Variants in BMERB1 observed in about 807,000 individuals in gnomAD.
BMERB1 encodes the protein bMERB domain containing 1.
Under a neutral mutation model 23.6 loss-of-function variants are expected in BMERB1, and 12 were observed. The observed-to-expected ratio is 0.51, with a 90% CI of 0.33 to 0.82. The LOEUF is 0.82. Among genes scored for constraint, BMERB1 ranks in the 40% least tolerant of loss-of-function variants. The pLI, the probability that BMERB1 is intolerant of heterozygous loss-of-function variation, is 0.03. For missense variants in BMERB1, 247 were observed against 255.4 expected, an observed-to-expected ratio of 0.97 and a Z score of 0.22; for synonymous variants, 122 against 96.6, an observed-to-expected ratio of 1.26 and a Z score of -1.54.
chr16:15,459,710 TTACC>T (rs2051119297), intron 1 of BMERB1, among the ~76,000 whole-genome samples: 1 of 152,184 alleles, frequency 6.6e-6, no homozygotes, highest in East Asian at 1.9e-4. Context: ...TCCAGATTCT[TTACC>T]TTGTGGCCTC....
intron 2 of BMERB1, among the ~76,000 whole-genome samples, chr16:15,528,184 G>T (rs1377841794): frequency 6.6e-6 from 1 of 152,136 alleles, no homozygotes; most frequent in Non-Finnish European, 1.5e-5. Context: ...GGAAGTCCAA[G>T]ATGAAGATGC....
At chr16:15,443,226 C>T (rs980914893) in intron 1 of BMERB1, among the ~76,000 whole-genome samples, 8 of 150,312 alleles carry the variant, frequency 5.3e-5, no homozygotes, top group African/African-American at 2.0e-4. Flanking sequence ...CCAGCCTGAG[C>T]GACAGAGCAA....
chr16:15,473,087 T>A (rs184811503), intron 1 of BMERB1, among the ~76,000 whole-genome samples: 83 of 152,028 alleles, frequency 5.5e-4, no homozygotes, highest in Non-Finnish European at 1.0e-3. Context: ...CTCAAACTCC[T>A]GACCTCAGGT....
At chr16:15,556,675 T>C (rs1485185070) in intron 2 of BMERB1, among the ~76,000 whole-genome samples, 3 of 152,286 alleles carry the variant, frequency 2.0e-5, no homozygotes, top group African/African-American at 7.2e-5. Flanking sequence ...AACCTCCACC[T>C]CCCAGGTTCA....
At chr16:15,578,059 C>T (rs1380556708) in intron 3 of BMERB1, among the ~76,000 whole-genome samples, 2 of 152,182 alleles carry the variant, frequency 1.3e-5, no homozygotes, top group East Asian at 3.9e-4. Flanking sequence ...CCTGGCATTC[C>T]TTGGGGGGGA....
chr16:15,507,843 C>T (rs1455484458), intron 1 of BMERB1, among the ~76,000 whole-genome samples: 1 of 152,116 alleles, frequency 6.6e-6, no homozygotes, highest in Non-Finnish European at 1.5e-5. Flanking sequence ...ACACAACACC[C>T]CAACCCAGGT....
At position 15,586,826 on chromosome 16, in the gene BMERB1, G is replaced by T. The variant is rs780290225; in HGVS notation, c.612G>T (p.Met204Ile). 3 of 1,600,422 alleles carry T rather than the reference G, an allele frequency of 1.9e-6. No individual in the cohort carries two copies. The East Asian group carries it at 6.8e-5, about 36-fold the overall frequency. Reference sequence around the variant, plus strand: ...GCGGGGCCACCCAGTGCAACATCATGTAGCCCCCACGTGGGGTGCCCTGGG... The same window carrying T: ...GCGGGGCCACCCAGTGCAACATCATTTAGCCCCCACGTGGGGTGCCCTGGG... ...DCCGATQCNI[M>I] Residue 204 changes from methionine (M) to isoleucine (I), a missense_variant, in exon 6 of 6, where the codon ATG (methionine) becomes ATT (isoleucine). By Grantham distance (10) the Met-to-Ile change is conservative. Coordinates refer to ENST00000300006, the MANE Select transcript of BMERB1 (RefSeq NM_033201.3).
chr16:15,568,198 G>A (rs1023838156), intron 3 of BMERB1, 142 bp downstream of exon 3: 5 of 657,362 alleles, frequency 7.6e-6, no homozygotes, highest in African/African-American at 7.3e-5. Flanking sequence ...ACACAACTTC[G>A]AGTCAGGAAG....
At chr16:15,503,699 T>G (rs2051554457) in intron 1 of BMERB1, among the ~76,000 whole-genome samples, 1 of 152,056 alleles carries the variant, frequency 6.6e-6, no homozygotes, top group South Asian at 2.1e-4. Flanking sequence ...CAGCAGCAAC[T>G]TCATGAGGCA....
chr16:15,538,225 G>A (rs544038179), intron 2 of BMERB1, among the ~76,000 whole-genome samples: 1 of 152,170 alleles, frequency 6.6e-6, no homozygotes. Flanking sequence ...GCCCAAGGTG[G>A]GTGGATCACT....
At position 15,580,983 on chromosome 16, in the gene BMERB1, G is replaced by A. The variant is rs144193570; in HGVS notation, c.305-234G>A. 7.0e-3 allele frequency among the ~76,000 whole-genome samples: 1,055 copies of A among 151,494 alleles called. 9 individuals carry two copies. The highest frequency in any genetic ancestry group is 0.024 in the African/African-American group (985 of 41,268). ...GCAGTCTCAGCTCACTGCAACCTCCGCCTCCCAGGTTCAAGCAATTCTCCC... is the reference window on the plus strand; with the variant it reads ...GCAGTCTCAGCTCACTGCAACCTCCACCTCCCAGGTTCAAGCAATTCTCCC... On this transcript the variant is annotated intron_variant, in intron 3 of 5. Coordinates refer to ENST00000300006, the MANE Select transcript of BMERB1 (RefSeq NM_033201.3).
chr16:15,551,827 A>G (rs1165746767), intron 2 of BMERB1, among the ~76,000 whole-genome samples: 1 of 152,154 alleles, frequency 6.6e-6, no homozygotes, highest in Non-Finnish European at 1.5e-5. Context: ...GCGGCAGGAG[A>G]GAGACAGCAC....
intron 1 of BMERB1, among the ~76,000 whole-genome samples, chr16:15,444,328 G>A (rs995934479): frequency 5.3e-5 from 8 of 151,380 alleles, no homozygotes; most frequent in South Asian, 2.1e-4. Context: ...TGTTGTGGGC[G>A]TCTCCTGTGC....
At chr16:15,468,947 C>A (rs953207413) in intron 1 of BMERB1, among the ~76,000 whole-genome samples, 1 of 149,410 alleles carries the variant, frequency 6.7e-6, no homozygotes, top group Admixed American at 6.7e-5. Context: ...TGACTTCCTC[C>A]AATAAATCAT....
chr16:15,501,291 T>C (rs2051527494), intron 1 of BMERB1, among the ~76,000 whole-genome samples: 1 of 140,314 alleles, frequency 7.1e-6, no homozygotes, highest in Non-Finnish European at 1.5e-5. Context: ...TTTTTACTTT[T>C]TTTTTTTTTT....
chr16:15,517,770 GTGTGTGGATGTGGA>G (rs1334089961), intron 2 of BMERB1, among the ~76,000 whole-genome samples: 10 of 151,464 alleles, frequency 6.6e-5, no homozygotes, highest in Non-Finnish European at 8.8e-5. Context: ...GTGTGTGGAT[GTGTGTGGATGTGGA>G]TGTGTGGATG....
At chr16:15,586,625 G>A in intron 5 of BMERB1, 92 bp from the exon 6 acceptor site, 1 of 1,050,742 alleles carries the variant, frequency 9.5e-7, no homozygotes, top group African/African-American at 1.6e-5. Flanking sequence ...GTTGCAGTGG[G>A]GCTGGGCTGC....
chr16:15,560,242 A>G (rs757876655), intron 2 of BMERB1, among the ~76,000 whole-genome samples: 1 of 152,178 alleles, frequency 6.6e-6, no homozygotes, highest in Non-Finnish European at 1.5e-5. Context: ...GGATTCAATG[A>G]CATGCTAAGG....
At chr16:15,534,610 AG>A (rs1402919687) in intron 2 of BMERB1, among the ~76,000 whole-genome samples, 4 of 152,208 alleles carry the variant, frequency 2.6e-5, no homozygotes, top group Non-Finnish European at 1.5e-5. Context: ...GGCCATAACT[AG>A]GAGAACTAGA....
Sources: allele counts gnomAD v4.1 joint callset (sites outside exome capture counted in the v4.1 genomes callset), GRCh38; gene constraint gnomAD v4.1.1; transcripts MANE v1.5; gene names NCBI Gene and HGNC (gene_info 2026-07-23, HGNC 2026-07-21).